Variants in ZCCHC4 observed in about 807,000 individuals in gnomAD.
ZCCHC4 encodes zinc finger CCHC-type containing 4.
A neutral mutation model predicts 67.7 loss-of-function variants in ZCCHC4; 54 were observed. The ratio of observed to expected loss-of-function variants is 0.80; its 90% CI spans 0.64 to 1.00. ZCCHC4 has a LOEUF of 1.00. Ranked by LOEUF, ZCCHC4 falls within the 50% of genes least tolerant of loss-of-function variation. The pLI, the probability that ZCCHC4 is intolerant of heterozygous loss-of-function variation, is 0.00. For synonymous variants in ZCCHC4, 198 were observed against 213.5 expected (o/e 0.93, Z 0.63); for missense variants, 609 against 617.0 (o/e 0.99, Z 0.14).
intron 3 of ZCCHC4, among the ~76,000 whole-genome samples, chr4:25,330,713 C>G (rs780633113): frequency 1.3e-5 from 2 of 152,180 alleles, no homozygotes; most frequent in Non-Finnish European, 2.9e-5. Flanking sequence ...AATTTTTCCT[C>G]CCTACTGAGG....
chr4:25,346,781 A>G (rs1048194722), intron 6 of ZCCHC4, among the ~76,000 whole-genome samples: 3 of 152,218 alleles, frequency 2.0e-5, no homozygotes, highest in African/African-American at 7.2e-5. Context: ...TGTGGTTGCT[A>G]ATCACTAAGA....
chr4:25,362,385 A>AT, intron 10 of ZCCHC4, 84 bp downstream of exon 10: 2 of 862,058 alleles, frequency 2.3e-6, no homozygotes, highest in Non-Finnish European at 3.4e-6. Context: ...TTTCAATGTT[A>AT]TTTTGTTAAT....
intron 3 of ZCCHC4, among the ~76,000 whole-genome samples, chr4:25,317,660 G>A (rs1000819325): frequency 6.7e-5 from 9 of 133,412 alleles, no homozygotes; most frequent in Non-Finnish European, 9.3e-5. Flanking sequence ...AGCCAAGATC[G>A]TGCGACTACA....
chr4:25,345,020 C>T (rs1389137600), intron 5 of ZCCHC4, among the ~76,000 whole-genome samples: 2 of 151,964 alleles, frequency 1.3e-5, no homozygotes, highest in Non-Finnish European at 2.9e-5. Flanking sequence ...CCAGGTTGGT[C>T]TCAAACTCGT....
chr4:25,363,806 G>A (rs932096225), intron 10 of ZCCHC4, among the ~76,000 whole-genome samples: 1 of 152,130 alleles, frequency 6.6e-6, no homozygotes, highest in Non-Finnish European at 1.5e-5. Flanking sequence ...GGTGGTAAAA[G>A]GAAGCAAGAG....
intron 3 of ZCCHC4, among the ~76,000 whole-genome samples, chr4:25,322,067 A>T (rs1053793129): frequency 1.3e-5 from 2 of 152,186 alleles, no homozygotes; most frequent in Non-Finnish European, 2.9e-5. Context: ...ATATCTCCAT[A>T]TTGCAGATGC....
Position 25,368,980 on chromosome 4 carries a change from TA to T in ZCCHC4, c.1407-47del, listed in dbSNP as rs772161795. The T allele has an allele frequency of 2.5e-6, 4 of 1,569,756 alleles. No homozygotes were observed. The African/African-American group carries it at 5.5e-5, about 22-fold the overall frequency. ...TTAATTAAACTTCAACATAATTACATAATTCACTGTGCTCATTCTGTGAAAT... is the reference window on the plus strand; with the variant it reads ...TTAATTAAACTTCAACATAATTACATATTCACTGTGCTCATTCTGTGAAAT... On this transcript the variant is annotated intron_variant, in intron 12 of 12. Coordinates refer to ENST00000302874, the MANE Select transcript of ZCCHC4 (RefSeq NM_024936.3).
chr4:25,324,014 G>GTTGTTTTTTTTTTT (rs1553895903), intron 3 of ZCCHC4, among the ~76,000 whole-genome samples: 1 of 82,448 alleles, frequency 1.2e-5, no homozygotes, highest in Non-Finnish European at 2.1e-5. Flanking sequence ...TGTTTTTTGT[G>GTTGTTTTTTTTTTT]TTTTTTTTTT....
intron 5 of ZCCHC4, among the ~76,000 whole-genome samples, chr4:25,340,987 A>G (rs1719731306): frequency 1.3e-5 from 2 of 152,124 alleles, no homozygotes; most frequent in African/African-American, 4.8e-5. Context: ...CTTAATGAAT[A>G]TTAAATAATA....
At chr4:25,368,240 G>A (rs916239715) in intron 12 of ZCCHC4, among the ~76,000 whole-genome samples, 1 of 152,182 alleles carries the variant, frequency 6.6e-6, no homozygotes, top group Non-Finnish European at 1.5e-5. Context: ...GAGGAGTCCT[G>A]GTTTGGCATT....
chr4:25,356,510 GAC>G (rs1720524977), intron 8 of ZCCHC4, among the ~76,000 whole-genome samples: 1 of 151,744 alleles, frequency 6.6e-6, no homozygotes, highest in Non-Finnish European at 1.5e-5. Context: ...CCACCTTCCT[GAC>G]ACATACATTC....
chr4:25,313,535 A>C (rs1405481871), intron 1 of ZCCHC4, among the ~76,000 whole-genome samples: 1 of 152,188 alleles, frequency 6.6e-6, no homozygotes, highest in East Asian at 1.9e-4. Context: ...AATTATTTAT[A>C]AGTAGTCACT....
At chr4:25,337,958 T>C (rs1042135550) in intron 5 of ZCCHC4, among the ~76,000 whole-genome samples, 14 of 152,208 alleles carry the variant, frequency 9.2e-5, no homozygotes, top group African/African-American at 3.4e-4. Flanking sequence ...ACTTTGTTTT[T>C]AAAAAAGGAA....
rs2109090549 is a variant in ZCCHC4 at position 25,359,936 on chromosome 4, G to A, written c.1012-1923G>A. On this transcript the variant is annotated intron_variant, in intron 8 of 12. Transcript: ENST00000302874. This position sits in a 1 kb window ranked among gnomAD's most constrained non-coding sequence, Gnocchi z 4.9. ...CCACCAATGTACAGCAAGTGCTGGT[G>A]CTGGTAGACACCAGCGCAGATACAT... Among the ~76,000 whole-genome samples, 1 of 152,360 alleles carries A rather than the reference G, an allele frequency of 6.6e-6. No homozygotes were observed. Among genetic ancestry groups the A allele is most frequent in the Middle Eastern group, 3.4e-3 (1 of 294 alleles).
intron 8 of ZCCHC4, among the ~76,000 whole-genome samples, chr4:25,360,802 G>A (rs1172410175): frequency 6.6e-6 from 1 of 152,210 alleles, no homozygotes; most frequent in Non-Finnish European, 1.5e-5. Flanking sequence ...TCCTGATGGG[G>A]GGGCATGATA....
At chr4:25,360,143 G>C (rs1247180892) in intron 8 of ZCCHC4, among the ~76,000 whole-genome samples, 2 of 152,176 alleles carry the variant, frequency 1.3e-5, no homozygotes, top group African/African-American at 4.8e-5. Flanking sequence ...TAGTGTTGCC[G>C]CAGGGCTTTT....
intron 3 of ZCCHC4, among the ~76,000 whole-genome samples, chr4:25,320,176 G>A (rs1282077319): frequency 2.0e-5 from 3 of 151,956 alleles, no homozygotes; most frequent in African/African-American, 4.8e-5. Context: ...TTGTGCCTGA[G>A]ATTTGCTTTT....
At chr4:25,362,008 C>A in intron 9 of ZCCHC4, 28 bp downstream of exon 9, 3 of 1,593,562 alleles carry the variant, frequency 1.9e-6, no homozygotes, top group Non-Finnish European at 2.6e-6. Flanking sequence ...CTTTGAAGTA[C>A]ACAAGTCACT....
At chr4:25,330,281 A>G (rs1330882043) in intron 3 of ZCCHC4, among the ~76,000 whole-genome samples, 1 of 150,524 alleles carries the variant, frequency 6.6e-6, no homozygotes, top group East Asian at 1.9e-4. Context: ...GTGAGCTACC[A>G]TGCCTTGCTG....
Sources: gnomAD v4.1 joint callset for allele counts (sites outside exome capture counted in the v4.1 genomes callset) on GRCh38, gnomAD v4.1.1 for gene constraint, Gnocchi (gnomAD v3.1) non-coding constraint, MANE v1.5 for transcripts, NCBI Gene and HGNC (gene_info 2026-07-23, HGNC 2026-07-21) for gene names.